The following PEX14 variants were observed in gnomAD, a reference collection of about 807,000 sequenced individuals.
PEX14 encodes the protein peroxisomal membrane protein PEX14.
In PEX14, 15 loss-of-function variants were observed where a neutral mutation model predicts 49.5. That is an observed-to-expected ratio of 0.30 (90% confidence interval 0.20 to 0.47). The LOEUF (loss-of-function observed/expected upper bound fraction) is 0.47. PEX14 is among the 20% of genes least tolerant of loss of function. The pLI, the probability that PEX14 is intolerant of heterozygous loss-of-function variation, is 1.00. For synonymous variants in PEX14, 210 were observed against 212.7 expected (o/e 0.99, Z 0.11); for missense variants, 398 against 494.8 (o/e 0.80, Z 1.86).
At chr1:10,491,452 C>G (rs916018510) in intron 1 of PEX14, among the ~76,000 whole-genome samples, 1 of 151,950 alleles carries the variant, frequency 6.6e-6, no homozygotes, top group Non-Finnish European at 1.5e-5. Flanking sequence ...ACCATCATAG[C>G]TCACTGCAAT....
chr1:10,499,148 A>G (rs1192153558), intron 2 of PEX14, among the ~76,000 whole-genome samples: 4 of 152,242 alleles, frequency 2.6e-5, no homozygotes, highest in Non-Finnish European at 4.4e-5. Context: ...CCATTTAGTC[A>G]TATGATTTTT....
chr1:10,535,478 G>T (rs575436396), intron 2 of PEX14, among the ~76,000 whole-genome samples: 1 of 152,178 alleles, frequency 6.6e-6, no homozygotes, highest in Admixed American at 6.5e-5. Context: ...ATTGCAGAAG[G>T]GGGGCCAGAG....
chr1:10,570,249 G>A (rs1410037059), intron 3 of PEX14, among the ~76,000 whole-genome samples: 4 of 151,580 alleles, frequency 2.6e-5, no homozygotes, highest in African/African-American at 2.4e-5. Flanking sequence ...TTCCATTCTT[G>A]TTTCATTGAT....
intron 5 of PEX14, among the ~76,000 whole-genome samples, chr1:10,619,804 G>C (rs2124635015): frequency 6.6e-6 from 1 of 151,744 alleles, no homozygotes; most frequent in South Asian, 2.1e-4. Context: ...ACATTTCCAT[G>C]TTAGAAATTG....
At chr1:10,519,377 G>C (rs750858371) in intron 2 of PEX14, among the ~76,000 whole-genome samples, 5 of 152,162 alleles carry the variant, frequency 3.3e-5, no homozygotes, top group Admixed American at 6.5e-5. Context: ...CTTTGGAAGA[G>C]AGAGTGCTTA....
intron 2 of PEX14, chr1:10,535,790 T>C (rs112894321): frequency 2.6e-4 from 85 of 332,446 alleles, no homozygotes; most frequent in African/African-American, 1.8e-3. Context: ...TGTGTGTGTG[T>C]GTGCGTGTGT....
At chr1:10,617,847 C>A (rs1050370174) in intron 4 of PEX14, among the ~76,000 whole-genome samples, 1 of 152,204 alleles carries the variant, frequency 6.6e-6, no homozygotes, top group Non-Finnish European at 1.5e-5. Flanking sequence ...CCCGTGCCCC[C>A]ACCCAGCGTA....
chr1:10,625,957 G>A (rs537476922), intron 7 of PEX14, among the ~76,000 whole-genome samples: 2 of 152,152 alleles, frequency 1.3e-5, no homozygotes, highest in African/African-American at 2.4e-5. Flanking sequence ...GCATCTAAAC[G>A]CGTATGTGTG....
chr1:10,524,990 G>A (rs1372997688), intron 2 of PEX14, among the ~76,000 whole-genome samples: 1 of 152,146 alleles, frequency 6.6e-6, no homozygotes, highest in African/African-American at 2.4e-5. Flanking sequence ...ATGCCCGGCC[G>A]GATCATTTAT....
chr1:10,544,542 A>G (rs750023209), intron 3 of PEX14, among the ~76,000 whole-genome samples: 2 of 152,166 alleles, frequency 1.3e-5, no homozygotes, highest in Non-Finnish European at 2.9e-5. Context: ...TGTAATTGAC[A>G]TACAGTAAAC....
At chr1:10,603,894 A>T (rs1015272839) in intron 4 of PEX14, among the ~76,000 whole-genome samples, 2 of 152,228 alleles carry the variant, frequency 1.3e-5, no homozygotes, top group African/African-American at 4.8e-5. Flanking sequence ...TCAAAATAGG[A>T]TGTCAGCATC....
chr1:10,480,275 A>T (rs1328932853), intron 1 of PEX14, among the ~76,000 whole-genome samples: 1 of 151,544 alleles, frequency 6.6e-6, no homozygotes, highest in Non-Finnish European at 1.5e-5. Context: ...CAGTGGCTCA[A>T]TCTCGGCTCA....
At chr1:10,533,537 C>T (rs1297370627) in intron 2 of PEX14, among the ~76,000 whole-genome samples, 3 of 152,056 alleles carry the variant, frequency 2.0e-5, no homozygotes, top group Non-Finnish European at 2.9e-5. Context: ...AAATTGGATT[C>T]GCTCGTTTAT....
intron 3 of PEX14, among the ~76,000 whole-genome samples, chr1:10,557,943 T>A (rs1185208158): frequency 6.6e-6 from 1 of 152,156 alleles, no homozygotes; most frequent in Non-Finnish European, 1.5e-5. Context: ...AACTGGATAG[T>A]CTCAGCACCA....
intron 2 of PEX14, among the ~76,000 whole-genome samples, chr1:10,507,117 T>C (rs1173339929): frequency 6.6e-6 from 1 of 152,256 alleles, no homozygotes; most frequent in African/African-American, 2.4e-5. Context: ...TTTTGGTTAC[T>C]TTGTTTGATT....
At chr1:10,477,139 C>A (rs2124362266) in intron 1 of PEX14, among the ~76,000 whole-genome samples, 1 of 151,700 alleles carries the variant, frequency 6.6e-6, no homozygotes, top group South Asian at 2.1e-4. Flanking sequence ...GGCGCGATCT[C>A]TGCTCACTGC....
chr1:10,526,420 T>A (rs192913887), intron 2 of PEX14, among the ~76,000 whole-genome samples: 4 of 152,086 alleles, frequency 2.6e-5, no homozygotes, highest in African/African-American at 9.7e-5. Context: ...TGTTTCACCA[T>A]GTTGGTCAGG....
In PEX14 at chr1:10,475,021, C is replaced by T; in HGVS notation, c.36+19C>T. On this transcript the variant is annotated intron_variant, in intron 1 of 8. Transcript: ENST00000356607. Reference sequence around the variant, plus strand: ...GAGCCAGGTAAGGGGAGTGGGACTGCCCCGCTGTGCGGCGGAGACCCCGGC... The same window carrying T: ...GAGCCAGGTAAGGGGAGTGGGACTGTCCCGCTGTGCGGCGGAGACCCCGGC... 4 of 1,604,230 alleles carry T rather than the reference C, an allele frequency of 2.5e-6. No homozygotes were observed. The highest frequency in any genetic ancestry group is 1.1e-5 in the South Asian group (1 of 89,336).
At chr1:10,502,005 A>G (rs890790263) in intron 2 of PEX14, among the ~76,000 whole-genome samples, 15 of 152,092 alleles carry the variant, frequency 9.9e-5, no homozygotes, top group African/African-American at 3.6e-4. Context: ...GCCCCTCACA[A>G]CTGCTGCAGA....
Sources: gnomAD v4.1 joint callset for allele counts (sites outside exome capture counted in the v4.1 genomes callset) on GRCh38, gnomAD v4.1.1 for gene constraint, MANE v1.5 for transcripts, NCBI Gene and HGNC (gene_info 2026-07-23, HGNC 2026-07-21) for gene names.